The following CR1 variants were observed in gnomAD, a reference collection of about 807,000 sequenced individuals.
The protein encoded by CR1 is complement C3b/C4b receptor 1 (Knops blood group).
In CR1, 116 loss-of-function variants were observed where a neutral mutation model predicts 187.3. The ratio of observed to expected loss-of-function variants is 0.62; its 90% CI spans 0.53 to 0.72. The LOEUF (loss-of-function observed/expected upper bound fraction) is 0.72, where lower values mean the gene tolerates loss of function less well. CR1 is among the 30% of genes least tolerant of loss of function. The probability of loss-of-function intolerance (pLI) is 0.00; values close to 1 mark genes in which losing one functional copy is unlikely to be tolerated. For synonymous variants in CR1, 576 were observed against 747.1 expected (o/e 0.77, Z 3.73); for missense variants, 1,731 against 2,110.7 (o/e 0.82, Z 3.52).
At chr1:207,505,637 C>G in intron 1 of CR1, among the ~76,000 whole-genome samples, 1 of 151,962 alleles carries the variant, frequency 6.6e-6, no homozygotes, top group East Asian at 1.9e-4. Flanking sequence ...GGAGTCGAGA[C>G]CAGCCTGGCC....
At position 207,590,209 on chromosome 1, in the gene CR1, A is replaced by G. The variant is rs1025860560; in HGVS notation, c.5810+1435A>G. On this transcript the variant is annotated intron_variant, in intron 35 of 46. Transcript: ENST00000367049. Reference sequence around the variant, plus strand: ...AAAAAAATGTTAAGGGCAGCCAGAGAGAAAGGTCGGGTTACCTACAAAGGG... The same window carrying G: ...AAAAAAATGTTAAGGGCAGCCAGAGGGAAAGGTCGGGTTACCTACAAAGGG... Among the ~76,000 whole-genome samples the G allele has an allele frequency of 2.6e-5, 4 of 152,202 alleles. 1 individual carries two copies. The highest frequency in any genetic ancestry group is 1.3e-4 in the Admixed American group (2 of 15,278).
chr1:207,596,818 T>C (rs186826448), intron 35 of CR1, among the ~76,000 whole-genome samples: 2 of 147,382 alleles, frequency 1.4e-5, no homozygotes, highest in African/African-American at 5.0e-5. Flanking sequence ...TAACATAAAA[T>C]TCATATATAT....
chr1:207,497,598 A>C (rs957909679), intron 1 of CR1, among the ~76,000 whole-genome samples: 1 of 152,356 alleles, frequency 6.6e-6, no homozygotes, highest in East Asian at 1.9e-4. Context: ...GTAACCTGTC[A>C]GGTGCAGAGA....
rs370291677 is a variant in CR1 at position 207,565,923 on chromosome 1, C to A, written c.3952C>A (p.Gln1318Lys). Reference protein sequence around the residue: ...LWNSSVPVCEQIFCPSPPVIP... With the variant: ...LWNSSVPVCEKIFCPSPPVIP... Reference sequence around the variant, plus strand: ...GAATAGCAGTGTTCCAGTGTGTGAACGTGAGTAATAGGAGCAACATTTCAG... The same window carrying A: ...GAATAGCAGTGTTCCAGTGTGTGAAAGTGAGTAATAGGAGCAACATTTCAG... Residue 1318 changes from glutamine (Q) to lysine (K), a missense_variant and splice_region_variant, in exon 24 of 47, where the codon CAA (glutamine) becomes AAA (lysine). Physicochemically the swap from Gln to Lys is moderately conservative, Grantham distance 53 (BLOSUM62 1). This residue lies in a region of CR1 where 1,312 missense variants were observed against 1,379.6 expected (regional missense o/e 0.95). Transcript: ENST00000367049. The A allele has an allele frequency of 5.0e-6, 8 of 1,610,936 alleles. No homozygotes were observed. The highest frequency in any genetic ancestry group is 6.8e-6 in the Non-Finnish European group (8 of 1,179,730).
chr1:207,510,885 G>A (rs1659593634), intron 3 of CR1, among the ~76,000 whole-genome samples: 1 of 149,500 alleles, frequency 6.7e-6, no homozygotes, highest in Non-Finnish European at 1.5e-5. Flanking sequence ...GCAGTGGCAT[G>A]ATCAGCACTC....
At chr1:207,505,669 T>C (rs1237073394) in intron 1 of CR1, among the ~76,000 whole-genome samples, 2 of 151,896 alleles carry the variant, frequency 1.3e-5, no homozygotes, top group Admixed American at 6.5e-5. Flanking sequence ...ACCCCATCTC[T>C]ACTAAAAATA....
intron 46 of CR1, among the ~76,000 whole-genome samples, chr1:207,632,754 C>A (rs964239498): frequency 7.1e-6 from 1 of 141,646 alleles, no homozygotes; most frequent in Non-Finnish European, 1.5e-5. Flanking sequence ...GCCGAGATCG[C>A]GCCACTGTAC....
At chr1:207,572,113 G>GTTTTTTTTT (rs1660599550) in intron 27 of CR1, among the ~76,000 whole-genome samples, 1 of 78,694 alleles carries the variant, frequency 1.3e-5, no homozygotes, top group Non-Finnish European at 2.5e-5. Flanking sequence ...TTGAGGTGGA[G>GTTTTTTTTT]TGTCTTCCTG....
intron 35 of CR1, among the ~76,000 whole-genome samples, chr1:207,591,130 C>T (rs1189923588): frequency 6.6e-6 from 1 of 152,118 alleles, no homozygotes; most frequent in Non-Finnish European, 1.5e-5. Context: ...AACTCTCCAC[C>T]CCAAATCAGC....
chr1:207,497,545 G>T (rs57595766), intron 1 of CR1, among the ~76,000 whole-genome samples: 2 of 152,118 alleles, frequency 1.3e-5, no homozygotes, highest in African/African-American at 2.4e-5. Context: ...ACCAAGTCCC[G>T]CAAGAGTTGT....
At chr1:207,499,027 C>T (rs1345349138) in intron 1 of CR1, among the ~76,000 whole-genome samples, 1 of 151,976 alleles carries the variant, frequency 6.6e-6, no homozygotes, top group Non-Finnish European at 1.5e-5. Context: ...TATCAACAAT[C>T]ATTTTGAGTG....
intron 1 of CR1, among the ~76,000 whole-genome samples, chr1:207,499,646 T>A (rs1437364839): frequency 6.6e-6 from 1 of 152,202 alleles, no homozygotes; most frequent in Non-Finnish European, 1.5e-5. Context: ...AGTACACGAA[T>A]TAAGCTTTAC....
intron 35 of CR1, chr1:207,606,361 T>C (rs190630430): frequency 4.3e-4 from 66 of 152,346 alleles, no homozygotes; most frequent in African/African-American, 1.5e-3. Flanking sequence ...AATGGCCCAG[T>C]TAAAAATAGA....
intron 32 of CR1, among the ~76,000 whole-genome samples, chr1:207,584,273 T>C (rs144969598): frequency 6.2e-4 from 94 of 152,340 alleles, no homozygotes; most frequent in African/African-American, 2.2e-3. Context: ...TCCTGTGCTT[T>C]AAACAGTACT....
At chr1:207,621,327 AC>A (rs2102403469) in intron 43 of CR1, among the ~76,000 whole-genome samples, 1 of 152,324 alleles carries the variant, frequency 6.6e-6, no homozygotes, top group East Asian at 1.9e-4. Flanking sequence ...AACACCCAAT[AC>A]AAAGCAAGGA....
At chr1:207,601,755 T>C (rs977789188) in intron 35 of CR1, among the ~76,000 whole-genome samples, 2 of 152,170 alleles carry the variant, frequency 1.3e-5, no homozygotes, top group African/African-American at 4.8e-5. Flanking sequence ...CATTTCGTAA[T>C]TGGGTTGTTT....
At chr1:207,609,000 C>T (rs1384047872) in intron 36 of CR1, among the ~76,000 whole-genome samples, 3 of 151,984 alleles carry the variant, frequency 2.0e-5, no homozygotes, top group Non-Finnish European at 2.9e-5. Flanking sequence ...TAGATAAGTA[C>T]CTTAACAATC....
chr1:207,588,278 C>G (rs1661170509), intron 34 of CR1, among the ~76,000 whole-genome samples: 1 of 152,106 alleles, frequency 6.6e-6, no homozygotes, highest in South Asian at 2.1e-4. Flanking sequence ...GAGCAAGTCT[C>G]CCTGCCTCAG....
chr1:207,592,518 G>A (rs1385104293), intron 35 of CR1, among the ~76,000 whole-genome samples: 4 of 152,072 alleles, frequency 2.6e-5, no homozygotes, highest in Non-Finnish European at 4.4e-5. Context: ...GGAAGCATGC[G>A]CTTTGAAAAC....
Sources: gnomAD v4.1 joint callset for allele counts (sites outside exome capture counted in the v4.1 genomes callset) on GRCh38, gnomAD v4.1.1 for gene constraint, gnomAD v4.1.1 regional missense constraint, MANE v1.5 for transcripts, NCBI Gene and HGNC (gene_info 2026-07-23, HGNC 2026-07-21) for gene names.